The following ITCH variants were observed in gnomAD, a reference collection of about 807,000 sequenced individuals.
The protein encoded by ITCH is E3 ubiquitin-protein ligase Itchy homolog.
Under a neutral mutation model 126.8 loss-of-function variants are expected in ITCH, and 28 were observed. The ratio of observed to expected loss-of-function variants is 0.22; its 90% CI spans 0.16 to 0.30. ITCH has a LOEUF of 0.30. Among genes scored for constraint, ITCH ranks in the 10% least tolerant of loss-of-function variants. ITCH has a pLI of 1.00. For missense variants in ITCH, 631 were observed against 1,032.4 expected (o/e 0.61, Z 5.33); for synonymous variants, 342 against 340.0 (o/e 1.01, Z -0.06).
chr20:34,435,960 G>A (rs1982951904), intron 7 of ITCH, among the ~76,000 whole-genome samples: 2 of 152,150 alleles, frequency 1.3e-5, no homozygotes, highest in Non-Finnish European at 2.9e-5. Context: ...CAAGATCTAG[G>A]AAGAGGAACA....
At chr20:34,507,290 G>GGTTTTTT (rs1990697790) in intron 24 of ITCH, among the ~76,000 whole-genome samples, 1 of 70,006 alleles carries the variant, frequency 1.4e-5, no homozygotes, top group Non-Finnish European at 2.7e-5. Flanking sequence ...TTTTTTTTTT[G>GGTTTTTT]GTTGTTGTTG....
At chr20:34,452,157 C>A (rs1289632205) in intron 12 of ITCH, among the ~76,000 whole-genome samples, 1 of 151,536 alleles carries the variant, frequency 6.6e-6, no homozygotes, top group Non-Finnish European at 1.5e-5. Flanking sequence ...TACTCCTTCT[C>A]TAGGGCAGGT....
At chr20:34,420,146 C>T (rs1259337621) in intron 6 of ITCH, among the ~76,000 whole-genome samples, 1 of 152,084 alleles carries the variant, frequency 6.6e-6, no homozygotes, top group African/African-American at 2.4e-5. Flanking sequence ...ATAAAGTGTA[C>T]ACCTTAATGG....
chr20:34,442,975 CAA>C (rs777882908), intron 10 of ITCH, among the ~76,000 whole-genome samples: 14 of 102,836 alleles, frequency 1.4e-4, no homozygotes, highest in African/African-American at 1.5e-4. Flanking sequence ...GACTCTGTCT[CAA>C]AAAAAAAAAA....
At chr20:34,504,796 C>T (rs1304827888) in intron 24 of ITCH, among the ~76,000 whole-genome samples, 1 of 152,110 alleles carries the variant, frequency 6.6e-6, no homozygotes, top group Non-Finnish European at 1.5e-5. Context: ...TTTTGGAATT[C>T]AACCTAATGT....
chr20:34,387,405 C>T (rs1001390087), intron 2 of ITCH, among the ~76,000 whole-genome samples: 3 of 151,872 alleles, frequency 2.0e-5, no homozygotes, highest in Admixed American at 6.6e-5. Context: ...GGCAGGAGGA[C>T]GACTTACTTG....
At chr20:34,387,677 AAT>A (rs2038335818) in intron 2 of ITCH, among the ~76,000 whole-genome samples, 1 of 150,092 alleles carries the variant, frequency 6.7e-6, no homozygotes. Flanking sequence ...ACTAATAGGT[AAT>A]AGAGTTTTAA....
intron 12 of ITCH, among the ~76,000 whole-genome samples, chr20:34,452,188 C>A (rs1430135430): frequency 6.6e-6 from 1 of 151,770 alleles, no homozygotes; most frequent in Non-Finnish European, 1.5e-5. Context: ...ATGCCTCTTG[C>A]TTATAGAAAG....
At chr20:34,372,398 T>TTTTTTTTTTTTG (rs1568853572) in intron 2 of ITCH, among the ~76,000 whole-genome samples, 2 of 142,674 alleles carry the variant, frequency 1.4e-5, no homozygotes, top group Non-Finnish European at 1.5e-5. Flanking sequence ...TTTTTTTTTT[T>TTTTTTTTTTTTG]GAGAGGGAAT....
At chr20:34,474,841 C>T (rs923038560) in intron 16 of ITCH, among the ~76,000 whole-genome samples, 11 of 151,820 alleles carry the variant, frequency 7.2e-5, no homozygotes, top group East Asian at 1.9e-4. Flanking sequence ...CGGGTGGAGA[C>T]GCTCCTCACT....
At chr20:34,412,352 A>G (rs1979159277) in intron 4 of ITCH, among the ~76,000 whole-genome samples, 163 bp from the exon 5 acceptor site, 1 of 152,222 alleles carries the variant, frequency 6.6e-6, no homozygotes, top group Non-Finnish European at 1.5e-5. Context: ...CATTCAGATA[A>G]TTTTCATAAG....
At chr20:34,468,872 A>C (rs2146408428) in intron 14 of ITCH, among the ~76,000 whole-genome samples, 1 of 152,316 alleles carries the variant, frequency 6.6e-6, no homozygotes, top group East Asian at 1.9e-4. Context: ...TTTTCCCCTC[A>C]CACAAATAAC....
At chr20:34,364,743 A>AAAAAAAAAAAG (rs56180734) in intron 1 of ITCH, among the ~76,000 whole-genome samples, 1 of 146,346 alleles carries the variant, frequency 6.8e-6, no homozygotes, top group Non-Finnish European at 1.5e-5. Flanking sequence ...AAAAAAAAAA[A>AAAAAAAAAAAG]TCCTGGGCGT....
At chr20:34,469,038 A>G (rs964435593) in intron 14 of ITCH, among the ~76,000 whole-genome samples, 3 of 152,178 alleles carry the variant, frequency 2.0e-5, no homozygotes, top group Admixed American at 2.0e-4. Flanking sequence ...ATGCAGTGGT[A>G]TTAAGTCCAA....
intron 23 of ITCH, among the ~76,000 whole-genome samples, chr20:34,493,494 T>G (rs1417018319): frequency 2.6e-5 from 4 of 152,018 alleles, no homozygotes; most frequent in Non-Finnish European, 1.5e-5. Flanking sequence ...GAGAACCTGA[T>G]CTCAGGAGAT....
At chr20:34,456,212 A>C (rs1311615665) in intron 12 of ITCH, among the ~76,000 whole-genome samples, 2 of 23,804 alleles carry the variant, frequency 8.4e-5, no homozygotes, top group East Asian at 1.5e-3. Flanking sequence ...ATATATATAT[A>C]TATTTTTTTT....
chr20:34,430,619 T>C (rs1982157783), intron 7 of ITCH, among the ~76,000 whole-genome samples: 1 of 152,126 alleles, frequency 6.6e-6, no homozygotes, highest in Non-Finnish European at 1.5e-5. Context: ...ATTACATGCG[T>C]GCACCACTAG....
intron 12 of ITCH, chr20:34,454,690 A>G (rs953476561): frequency 2.0e-5 from 3 of 152,184 alleles, no homozygotes; most frequent in African/African-American, 7.2e-5. Flanking sequence ...ATGGAATTAT[A>G]TTGGAAATAA....
intron 20 of ITCH, among the ~76,000 whole-genome samples, chr20:34,485,037 G>A (rs537085185): frequency 5.9e-5 from 9 of 152,218 alleles, no homozygotes; most frequent in African/African-American, 2.2e-4. Flanking sequence ...AAATCATAGA[G>A]TATGTACTCT....
Sources: gnomAD v4.1 joint callset for allele counts (sites outside exome capture counted in the v4.1 genomes callset) on GRCh38, gnomAD v4.1.1 for gene constraint, MANE v1.5 for transcripts, NCBI Gene and HGNC (gene_info 2026-07-23, HGNC 2026-07-21) for gene names.